PARP12: variants seen among roughly 807,000 people sequenced by gnomAD.
PARP12 encodes the protein poly(ADP-ribose) polymerase family member 12.
PARP12 carries 59 observed loss-of-function variants against 72.4 expected under a neutral mutation model. The observed-to-expected ratio is 0.81, with a 90% CI of 0.66 to 1.01. PARP12 has a LOEUF of 1.01. Ranked by LOEUF, PARP12 falls within the 50% of genes least tolerant of loss-of-function variation. PARP12 has a pLI of 0.00. For missense variants in PARP12, 851 were observed against 914.0 expected, an observed-to-expected ratio of 0.93 and a Z score of 0.89; for synonymous variants, 403 against 371.4, an observed-to-expected ratio of 1.09 and a Z score of -0.98.
At chr7:140,043,749 C>T (rs1816596560) in intron 5 of PARP12, among the ~76,000 whole-genome samples, 1 of 152,208 alleles carries the variant, frequency 6.6e-6, no homozygotes, top group Non-Finnish European at 1.5e-5. Flanking sequence ...CCAGGCTGGT[C>T]TTGAACTCCT....
intron 4 of PARP12, among the ~76,000 whole-genome samples, chr7:140,047,950 C>T (rs1238141009): frequency 6.6e-6 from 1 of 152,174 alleles, no homozygotes; most frequent in African/African-American, 2.4e-5. Flanking sequence ...TGGTTTATAT[C>T]ATCTATGAAC....
chr7:140,027,005 A>G (rs1815763095), intron 10 of PARP12, among the ~76,000 whole-genome samples: 1 of 152,214 alleles, frequency 6.6e-6, no homozygotes. Flanking sequence ...GGAAGGCAGA[A>G]TGGACAAGTG....
chr7:140,057,103 A>G lies in PARP12; in HGVS notation c.513T>C (p.Phe171=). ...KGDGPHGSCA[F]QKQCIKLHIC... is the part of the protein sequence containing the mutation. ...TATGGAGCTTGATGCACTGCTTTTG[A>G]AAGGCACAAGAGCCGTGGGGTCCAT... is the stretch of plus-strand genomic sequence containing the variant. The change falls in exon 3 of 12, where the codon TTT becomes TTC. Residue 171 remains phenylalanine (F), a synonymous_variant. Coordinates refer to ENST00000263549, the MANE Select transcript of PARP12 (RefSeq NM_022750.4). 1 of 1,614,170 alleles carries G rather than the reference A, an allele frequency of 6.2e-7. No individual in the cohort carries two copies. Among genetic ancestry groups the G allele is most frequent in the East Asian group, 2.2e-5 (1 of 44,888 alleles).
chr7:140,052,732 TTGTGTGTG>T (rs9340762), intron 4 of PARP12, among the ~76,000 whole-genome samples: 2,031 of 145,802 alleles, frequency 0.014, 20 homozygotes, highest in Non-Finnish European at 0.022. Flanking sequence ...AAGACCCCTT[TTGTGTGTG>T]TGTGTGTGTG....
rs1585115520 is a variant in PARP12, at chr7:140,057,061, T to TA, written c.554dup (p.Leu185PhefsTer10). The TA allele has an allele frequency of 1.9e-6, 3 of 1,614,048 alleles. No individual in the cohort carries two copies. In the African/African-American group the frequency reaches 4.0e-5, roughly 22 times the overall value. The stretch of plus-strand genomic sequence containing the variant: ...TAGTGCCAAACTTGCATTCCCCCTG[T>TA]AAAAAATACTGGCAGATATGGAGCT... On this transcript the variant is annotated frameshift_variant, in exon 3 of 12. Coordinates refer to ENST00000263549, the MANE Select transcript of PARP12 (RefSeq NM_022750.4). LOFTEE classifies it high-confidence loss of function.
intron 11 of PARP12, chr7:140,025,306 A>G (rs1382134555): frequency 3.4e-6 from 1 of 290,478 alleles, no homozygotes; most frequent in Admixed American, 4.6e-5. Flanking sequence ...TGGCAGCCCA[A>G]TGTATAGAAT....
rs978204447 is a variant in PARP12, at chr7:140,043,928, G to C, written c.987-2089C>G. Reference sequence around the variant, plus strand: ...AGAAGAGTCTGAACTAATGAACTGAGAGCCTGAGAGGAAGAAATGTGGCAG... The same window carrying C: ...AGAAGAGTCTGAACTAATGAACTGACAGCCTGAGAGGAAGAAATGTGGCAG... On this transcript the variant is annotated intron_variant, in intron 5 of 11. Coordinates refer to ENST00000263549, the MANE Select transcript of PARP12 (RefSeq NM_022750.4). Among the ~76,000 whole-genome samples the C allele has an allele frequency of 3.5e-4, 54 of 152,176 alleles. 1 individual carries two copies. The highest frequency in any genetic ancestry group is 7.3e-5 in the Non-Finnish European group (5 of 68,038).
At chr7:140,041,420 C>T (rs970846997) in intron 6 of PARP12, 7 of 449,340 alleles carry the variant, frequency 1.6e-5, no homozygotes, top group African/African-American at 1.4e-4. Flanking sequence ...ATTCAGTTCT[C>T]ATGAGCCAAC....
At chr7:140,049,918 T>C (rs192779803) in intron 4 of PARP12, among the ~76,000 whole-genome samples, 3 of 152,250 alleles carry the variant, frequency 2.0e-5, no homozygotes, top group Non-Finnish European at 2.9e-5. Flanking sequence ...CTACCTCACG[T>C]TGGCATTCCA....
rs1815782994 is a variant in PARP12 at position 140,027,542 on chromosome 7, G to C, written c.1498-136C>G. 2.9e-6 allele frequency: 3 copies of C among 1,045,908 alleles called. No homozygotes were observed. In the Admixed American group the frequency reaches 6.7e-5, roughly 23 times the overall value. 64.8% of individuals were successfully genotyped at this position (1,045,908 alleles called of 1,614,324 possible). On this transcript the variant is annotated intron_variant, in intron 9 of 11. Coordinates refer to ENST00000263549, the MANE Select transcript of PARP12 (RefSeq NM_022750.4). ...AGAGCAGTGACCACATTCTCCTGTGGTTTCTCCAGGCACAGGAGACAATCG... is the reference window on the plus strand; with the variant it reads ...AGAGCAGTGACCACATTCTCCTGTGCTTTCTCCAGGCACAGGAGACAATCG...
intron 5 of PARP12, among the ~76,000 whole-genome samples, chr7:140,043,932 C>T (rs192240508): frequency 2.0e-5 from 3 of 152,156 alleles, no homozygotes; most frequent in African/African-American, 2.4e-5. Context: ...AACTGAGAGC[C>T]TGAGAGGAAG....
intron 9 of PARP12, among the ~76,000 whole-genome samples, chr7:140,028,329 A>G (rs1375801751): frequency 1.3e-5 from 2 of 152,130 alleles, no homozygotes; most frequent in East Asian, 3.8e-4. Flanking sequence ...AGCCCAGCCC[A>G]TAAACTCATT....
At chr7:140,046,799 AGTGTGTGTGTGTGT>A (rs3216987) in intron 5 of PARP12, 71 bp downstream of exon 5, 24 of 868,818 alleles carry the variant, frequency 2.8e-5, no homozygotes, top group Middle Eastern at 5.2e-4. Flanking sequence ...GGCTGCTCAC[AGTGTGTGTGTGTGT>A]GTGTGTGTGT....
At chr7:140,046,825 TGTGTGTGTCAC>T in intron 5 of PARP12, 48 bp downstream of exon 5, 1 of 1,544,024 alleles carries the variant, frequency 6.5e-7, no homozygotes, top group Non-Finnish European at 8.8e-7. Flanking sequence ...TGTGTGTGTG[TGTGTGTGTCAC>T]ACACAGAAGC....
intron 8 of PARP12, among the ~76,000 whole-genome samples, chr7:140,030,681 C>G (rs780683664): frequency 6.6e-6 from 1 of 152,212 alleles, no homozygotes; most frequent in Non-Finnish European, 1.5e-5. Context: ...AAATCTTCAT[C>G]GAAGGCAGCC....
In PARP12 at chr7:140,042,934, G is replaced by A. The variant is rs578156024; in HGVS notation, c.987-1095C>T. ...TTCTTGGCCGGGCATGGTGGCTCAC[G>A]CCTGTAATCCCAGCACTTTGGGAGG... On this transcript the variant is annotated intron_variant, in intron 5 of 11. Coordinates refer to ENST00000263549, the MANE Select transcript of PARP12 (RefSeq NM_022750.4). 4.4e-4 allele frequency among the ~76,000 whole-genome samples: 67 copies of A among 152,290 alleles called. No individual in the cohort carries two copies. In the South Asian group the frequency reaches 8.1e-3, roughly 18 times the overall value.
intron 8 of PARP12, chr7:140,033,911 G>T: frequency 9.9e-7 from 1 of 1,012,244 alleles, no homozygotes; most frequent in Non-Finnish European, 1.2e-6. Flanking sequence ...AAAAATTCAA[G>T]TCTATGACTC....
At chr7:140,041,555 G>T in intron 6 of PARP12, 89 bp downstream of exon 6, 2 of 1,322,122 alleles carry the variant, frequency 1.5e-6, no homozygotes, top group Non-Finnish European at 2.1e-6. Context: ...TCTCAAGGAT[G>T]CCCCTGGCAA....
At chr7:140,060,293 T>A (rs1034624011) in intron 1 of PARP12, among the ~76,000 whole-genome samples, 3 of 152,128 alleles carry the variant, frequency 2.0e-5, no homozygotes, top group African/African-American at 7.2e-5. Context: ...GCTCAATGCC[T>A]CCTGAGTAGA....
Sources: allele counts gnomAD v4.1 joint callset (sites outside exome capture counted in the v4.1 genomes callset), GRCh38; gene constraint gnomAD v4.1.1; transcripts MANE v1.5; gene names NCBI Gene and HGNC (gene_info 2026-07-23, HGNC 2026-07-21).